The following PEBP4 variants were observed in gnomAD, a reference collection of about 807,000 sequenced individuals.
PEBP4 encodes phosphatidylethanolamine binding protein 4.
A neutral mutation model predicts 23.9 loss-of-function variants in PEBP4; 22 were observed. The ratio of observed to expected loss-of-function variants is 0.92; its 90% CI spans 0.66 to 1.31. The LOEUF is 1.31. Among genes scored for constraint, PEBP4 ranks in the 40% most tolerant of loss-of-function variants. The pLI is 0.00. For synonymous variants in PEBP4, 112 were observed against 99.3 expected (o/e 1.13, Z -0.76); for missense variants, 324 against 281.7 (o/e 1.15, Z -1.07).
intron 3 of PEBP4, among the ~76,000 whole-genome samples, chr8:22,916,418 G>A (rs936090979): frequency 2.6e-5 from 4 of 152,178 alleles, no homozygotes; most frequent in African/African-American, 4.8e-5. Context: ...AGCCAGCCAC[G>A]TTTTCCTGTG....
At chr8:22,739,905 T>C (rs1804953139) in intron 4 of PEBP4, among the ~76,000 whole-genome samples, 1 of 151,812 alleles carries the variant, frequency 6.6e-6, no homozygotes, top group African/African-American at 2.4e-5. Context: ...GCTGGGGGGA[T>C]GGAGGGGGAG....
Position 22,824,618 on chromosome 8 carries a change from G to A in PEBP4, c.259-6883C>T, listed in dbSNP as rs543269271. Among the ~76,000 whole-genome samples the A allele has an allele frequency of 4.5e-4, 69 of 152,090 alleles. 1 individual carries two copies. In the South Asian group the frequency reaches 8.9e-3, roughly 20 times the overall value. On this transcript the variant is annotated intron_variant, in intron 3 of 6. Transcript: ENST00000256404. ...TATAAACTCACTGTAATGTAGAATC[G>A]GTGAACACCCTGAGCTTGTTTTCCT...
chr8:22,894,468 G>C (rs13277904), intron 3 of PEBP4, among the ~76,000 whole-genome samples: 30,315 of 152,086 alleles, frequency 0.2, 3,482 homozygotes, highest in Middle Eastern at 0.28. Context: ...TGTAGTCCCA[G>C]CTACTCAGGA....
At chr8:22,768,132 G>A (rs1256674826) in intron 4 of PEBP4, among the ~76,000 whole-genome samples, 7 of 152,162 alleles carry the variant, frequency 4.6e-5, no homozygotes, top group Admixed American at 3.9e-4. Flanking sequence ...ATGCCCTAGG[G>A]TCTTGGGCAA....
intron 3 of PEBP4, among the ~76,000 whole-genome samples, chr8:22,866,987 T>C (rs1323171822): frequency 6.6e-6 from 1 of 151,900 alleles, no homozygotes; most frequent in Non-Finnish European, 1.5e-5. Flanking sequence ...GGCAGGAGCA[T>C]AGAGGCGGGT....
chr8:22,819,894 C>T (rs1806821724), intron 3 of PEBP4, among the ~76,000 whole-genome samples: 2 of 152,190 alleles, frequency 1.3e-5, no homozygotes, highest in African/African-American at 4.8e-5. Context: ...GCGTGAGCCA[C>T]CGCGCCCAGC....
intron 4 of PEBP4, among the ~76,000 whole-genome samples, chr8:22,752,512 C>T (rs1312502268): frequency 6.6e-6 from 1 of 152,208 alleles, no homozygotes; most frequent in Non-Finnish European, 1.5e-5. Context: ...GAAGGACCTG[C>T]ACTGCCTCTC....
At chr8:22,737,905 C>T (rs1435474969) in intron 4 of PEBP4, among the ~76,000 whole-genome samples, 1 of 152,092 alleles carries the variant, frequency 6.6e-6, no homozygotes. Context: ...CTAGGCTGAG[C>T]TCCCGGCGGG....
At position 22,796,968 on chromosome 8, in the gene PEBP4, C is replaced by A. The variant is rs79601617; in HGVS notation, c.357+20669G>T. Reference sequence around the variant, plus strand: ...AAAATAAAAATTAAAAAAAAAAAAACAAATTGGCTGGGCACGGTGGTTCAT... The same window carrying A: ...AAAATAAAAATTAAAAAAAAAAAAAAAAATTGGCTGGGCACGGTGGTTCAT... On this transcript the variant is annotated intron_variant, in intron 4 of 6. Transcript: ENST00000256404. Among the ~76,000 whole-genome samples the A allele has an allele frequency of 9.1e-5, 13 of 143,578 alleles. No homozygotes were observed. In the East Asian group the frequency reaches 1.4e-3, roughly 16 times the overall value. 94.2% of individuals were successfully genotyped at this position (143,578 alleles called of 152,430 possible).
chr8:22,756,691 C>T (rs1474362658), intron 4 of PEBP4, among the ~76,000 whole-genome samples: 1 of 152,242 alleles, frequency 6.6e-6, no homozygotes, highest in Non-Finnish European at 1.5e-5. Flanking sequence ...CCTGGGGGCT[C>T]ATTGAGGCCC....
intron 3 of PEBP4, among the ~76,000 whole-genome samples, chr8:22,873,810 TTGATCGGG>T (rs551436274): frequency 1.4e-4 from 22 of 152,280 alleles, no homozygotes; most frequent in African/African-American, 5.3e-4. Flanking sequence ...ATGTGGAATA[TTGATCGGG>T]AGGTCGGGGG....
chr8:22,765,319 T>G (rs1044480553), intron 4 of PEBP4, among the ~76,000 whole-genome samples: 8 of 152,100 alleles, frequency 5.3e-5, no homozygotes, highest in African/African-American at 1.7e-4. Context: ...AATTTTTGTA[T>G]TTTTAGTAGA....
intron 4 of PEBP4, among the ~76,000 whole-genome samples, chr8:22,762,233 C>A (rs1295222374): frequency 6.6e-6 from 1 of 152,196 alleles, no homozygotes; most frequent in Admixed American, 6.5e-5. Flanking sequence ...TACACAATTT[C>A]TACCTCCCAC....
At position 22,856,969 on chromosome 8, in the gene PEBP4, C is replaced by A. The variant is rs117232383; in HGVS notation, c.259-39234G>T. On this transcript the variant is annotated intron_variant, in intron 3 of 6. Transcript: ENST00000256404. ...GATAGAGTCTGAACTCCACAGAACA[C>A]AATTCAGCCATTAAAAATGATAGGT... Among the ~76,000 whole-genome samples the A allele has an allele frequency of 5.3e-3, 806 of 151,868 alleles. 29 individuals are homozygous for A. In the East Asian group the frequency reaches 0.095, roughly 18 times the overall value.
rs532741892 is a variant in PEBP4 at position 22,853,971 on chromosome 8, G to A, written c.259-36236C>T. ...AGCAAGAACAACAAACCTCACCAAC[G>A]CCAGAATCCAGAGACCATGAGACCA... On this transcript the variant is annotated intron_variant, in intron 3 of 6. Coordinates refer to ENST00000256404, the MANE Select transcript of PEBP4 (RefSeq NM_144962.3). Among the ~76,000 whole-genome samples, 30 of 152,214 alleles carry A rather than the reference G, an allele frequency of 2.0e-4. 1 individual carries two copies. In the South Asian group the frequency reaches 2.3e-3, roughly 12 times the overall value.
chr8:22,761,929 T>C (rs938007219), intron 4 of PEBP4, among the ~76,000 whole-genome samples: 2 of 152,234 alleles, frequency 1.3e-5, no homozygotes, highest in Non-Finnish European at 1.5e-5. Context: ...GGATGCATTA[T>C]ATTTTCTTTG....
chr8:22,824,558 T>A (rs1806927426), intron 3 of PEBP4, among the ~76,000 whole-genome samples: 1 of 152,214 alleles, frequency 6.6e-6, no homozygotes. Context: ...ACTTTATTTT[T>A]ATTATTATTA....
At chr8:22,893,557 A>G (rs1808536220) in intron 3 of PEBP4, among the ~76,000 whole-genome samples, 1 of 152,242 alleles carries the variant, frequency 6.6e-6, no homozygotes, top group Non-Finnish European at 1.5e-5. Flanking sequence ...CATGTGTTCA[A>G]GAAGGTAGGG....
intron 4 of PEBP4, among the ~76,000 whole-genome samples, chr8:22,777,840 C>A (rs568961238): frequency 1.3e-5 from 2 of 152,106 alleles, no homozygotes; most frequent in African/African-American, 2.4e-5. Flanking sequence ...AGGCTGAGGG[C>A]GTGTGGGAGA....
Sources: allele counts gnomAD v4.1 joint callset (sites outside exome capture counted in the v4.1 genomes callset), GRCh38; gene constraint gnomAD v4.1.1; transcripts MANE v1.5; gene names NCBI Gene and HGNC (gene_info 2026-07-23, HGNC 2026-07-21).